The following IFT43 variants were observed in gnomAD, a reference collection of about 807,000 sequenced individuals.
IFT43 encodes intraflagellar transport 43.
IFT43 carries 33 observed loss-of-function variants against 32.3 expected under a neutral mutation model. That is an observed-to-expected ratio of 1.02 (90% CI 0.77 to 1.37). IFT43 has a LOEUF of 1.37. IFT43 is among the 40% of genes most tolerant of loss of function. IFT43 has a pLI of 0.00. For synonymous variants in IFT43, 93 were observed against 98.2 expected (o/e 0.95, Z 0.31); for missense variants, 274 against 265.9 (o/e 1.03, Z -0.21).
Position 76,082,372 on chromosome 14 carries a change from G to C in IFT43, c.368+5G>C, listed in dbSNP as rs746538201. The C allele has an allele frequency of 3.2e-6, 5 of 1,569,614 alleles. No individual in the cohort carries two copies. The highest frequency in any genetic ancestry group is 4.4e-6 in the Non-Finnish European group (5 of 1,139,324). Reference sequence around the variant, plus strand: ...GCAGGTGGCAGCCCCTCCCAGGTAGGTTAAATCAGATATGATTGGGGAGGC... The same window carrying C: ...GCAGGTGGCAGCCCCTCCCAGGTAGCTTAAATCAGATATGATTGGGGAGGC... On this transcript the variant is annotated splice_donor_5th_base_variant and intron_variant, in intron 6 of 8. Coordinates refer to ENST00000314067, the MANE Select transcript of IFT43 (RefSeq NM_001102564.3).
chr14:76,079,885 TAA>T (rs1358015026), intron 5 of IFT43, among the ~76,000 whole-genome samples: 2 of 152,002 alleles, frequency 1.3e-5, no homozygotes, highest in Non-Finnish European at 2.9e-5. Context: ...GCTAGTTTCC[TAA>T]GTCTATTTTC....
chr14:76,001,853 G>A (rs1389633814), intron 2 of IFT43, among the ~76,000 whole-genome samples: 1 of 152,198 alleles, frequency 6.6e-6, no homozygotes, highest in Non-Finnish European at 1.5e-5. Context: ...AGAGTCAAAA[G>A]GGGACTGAAC....
chr14:75,986,117 G>C, intron 1 of IFT43: 1 of 1,421,360 alleles, frequency 7.0e-7, no homozygotes, highest in Non-Finnish European at 9.3e-7. Flanking sequence ...GCCTTTCTCC[G>C]TTTTCTAGAG....
chr14:76,003,771 C>G (rs376214673), intron 2 of IFT43, among the ~76,000 whole-genome samples: 5 of 151,650 alleles, frequency 3.3e-5, no homozygotes, highest in African/African-American at 1.2e-4. Context: ...TACAGTTTGT[C>G]GGGTTTTTGT....
chr14:76,022,783 T>G (rs2036319093), intron 3 of IFT43, among the ~76,000 whole-genome samples: 1 of 152,224 alleles, frequency 6.6e-6, no homozygotes, highest in Non-Finnish European at 1.5e-5. Flanking sequence ...TTCTCTCACT[T>G]GTCATAATGT....
chr14:76,058,599 T>A (rs1283269873), intron 3 of IFT43, 43 bp from the exon 4 acceptor site: 3 of 1,609,822 alleles, frequency 1.9e-6, no homozygotes, highest in Admixed American at 3.4e-5. Flanking sequence ...TGCATGAGAC[T>A]AGTGGGCTCT....
chr14:75,995,671 G>T (rs1484357558), intron 2 of IFT43, among the ~76,000 whole-genome samples: 1 of 152,144 alleles, frequency 6.6e-6, no homozygotes. Context: ...AGGGTTATCT[G>T]CTGACCCTTT....
intron 3 of IFT43, among the ~76,000 whole-genome samples, chr14:76,054,590 G>A (rs191377141): frequency 2.2e-4 from 34 of 152,352 alleles, no homozygotes; most frequent in Non-Finnish European, 4.9e-4. Flanking sequence ...GAACTCAGCC[G>A]AGGTAGTGTT....
chr14:76,004,680 A>G (rs981759455), intron 2 of IFT43, among the ~76,000 whole-genome samples: 2 of 152,066 alleles, frequency 1.3e-5, no homozygotes, highest in African/African-American at 4.8e-5. Flanking sequence ...ACTGCTTGAT[A>G]TTGTTCCATA....
At chr14:76,052,817 A>C (rs2036940400) in intron 3 of IFT43, among the ~76,000 whole-genome samples, 1 of 152,200 alleles carries the variant, frequency 6.6e-6, no homozygotes, top group African/African-American at 2.4e-5. Context: ...TAAATCACAG[A>C]ACAATTAAGC....
At chr14:76,058,311 C>A in intron 3 of IFT43, 1 of 329,674 alleles carries the variant, frequency 3.0e-6, no homozygotes, top group South Asian at 2.7e-5. Context: ...CCTAAGAAAG[C>A]ACTCTATAAA....
intron 5 of IFT43, chr14:76,076,470 A>G: frequency 2.1e-6 from 3 of 1,429,892 alleles, no homozygotes; most frequent in Non-Finnish European, 2.9e-6. Context: ...CAGGGGCCAG[A>G]TTGGGGTGTC....
In IFT43 at chr14:76,047,724, C is replaced by G. The variant is rs1030280200; in HGVS notation, c.216-10918C>G. On this transcript the variant is annotated intron_variant, in intron 3 of 8. Coordinates refer to ENST00000314067, the MANE Select transcript of IFT43 (RefSeq NM_001102564.3). ...GCCTGCCTTCCTCCCTCTGTTCCTT[C>G]CCTCCCTCCTTTTTTTTTTTTTTTG... 4.0e-5 allele frequency among the ~76,000 whole-genome samples: 6 copies of G among 151,822 alleles called. No homozygotes were observed. The South Asian group carries it at 1.0e-3, about 26-fold the overall frequency.
At chr14:76,067,855 T>C (rs1429721262) in intron 5 of IFT43, among the ~76,000 whole-genome samples, 1 of 152,146 alleles carries the variant, frequency 6.6e-6, no homozygotes, top group East Asian at 1.9e-4. Flanking sequence ...GCTTAAAATT[T>C]TTCGAATTCA....
At position 76,049,223 on chromosome 14, in the gene IFT43, T is replaced by C. The variant is rs558885028; in HGVS notation, c.216-9419T>C. Among the ~76,000 whole-genome samples, 8 of 152,344 alleles carry C rather than the reference T, an allele frequency of 5.3e-5. No individual in the cohort carries two copies. In the East Asian group the frequency reaches 1.2e-3, roughly 22 times the overall value. The stretch of plus-strand genomic sequence containing the variant: ...CTCGTTTATCTCCATCTTCCATCCT[T>C]GTAGCTCGATTTTCCCAAGATTCGT... On this transcript the variant is annotated intron_variant, in intron 3 of 8. Coordinates refer to ENST00000314067, the MANE Select transcript of IFT43 (RefSeq NM_001102564.3).
chr14:76,062,171 T>C (rs1284792464), intron 5 of IFT43, among the ~76,000 whole-genome samples: 1 of 151,698 alleles, frequency 6.6e-6, no homozygotes, highest in Non-Finnish European at 1.5e-5. Flanking sequence ...CCTGGGTTCA[T>C]GCCATTCTCC....
At chr14:76,062,843 G>T (rs914086126) in intron 5 of IFT43, among the ~76,000 whole-genome samples, 2 of 148,748 alleles carry the variant, frequency 1.3e-5, no homozygotes, top group Admixed American at 1.4e-4. Flanking sequence ...CTTGAACCTG[G>T]GAGGCAGAGG....
At chr14:76,070,400 A>G (rs1420366861) in intron 5 of IFT43, among the ~76,000 whole-genome samples, 1 of 152,230 alleles carries the variant, frequency 6.6e-6, no homozygotes, top group East Asian at 1.9e-4. Context: ...AGTAGAAAGA[A>G]TTCTTTAAAA....
At chr14:75,986,876 G>A (rs1254317619) in intron 1 of IFT43, among the ~76,000 whole-genome samples, 1 of 152,238 alleles carries the variant, frequency 6.6e-6, no homozygotes, top group Non-Finnish European at 1.5e-5. Context: ...GGATGTGAAT[G>A]TAGTTATTCA....
Sources: gnomAD v4.1 joint callset for allele counts (sites outside exome capture counted in the v4.1 genomes callset) on GRCh38, gnomAD v4.1.1 for gene constraint, MANE v1.5 for transcripts, NCBI Gene and HGNC (gene_info 2026-07-23, HGNC 2026-07-21) for gene names.